ARHGEF11: variants seen among roughly 807,000 people sequenced by gnomAD.
ARHGEF11 encodes Rho guanine exchange factor (GEF) 11.
Under a neutral mutation model 193.7 loss-of-function variants are expected in ARHGEF11, and 55 were observed. The ratio of observed to expected loss-of-function variants is 0.28; its 90% CI spans 0.23 to 0.36. The LOEUF (loss-of-function observed/expected upper bound fraction) is 0.36. ARHGEF11 is among the 10% of genes least tolerant of loss of function. ARHGEF11 has a pLI of 1.00. For synonymous variants in ARHGEF11, 693 were observed against 768.0 expected (o/e 0.90, Z 1.62); for missense variants, 1,723 against 2,005.6 (o/e 0.86, Z 2.69).
At chr1:156,967,762 C>T in intron 11 of ARHGEF11, 1 of 610,358 alleles carries the variant, frequency 1.6e-6, no homozygotes, top group Non-Finnish European at 2.9e-6. Context: ...GATGCATTCA[C>T]CCACTCTCCA....
chr1:157,018,690 A>C (rs1223317529), intron 1 of ARHGEF11, among the ~76,000 whole-genome samples: 12 of 152,156 alleles, frequency 7.9e-5, no homozygotes, highest in African/African-American at 2.9e-4. Context: ...AGAATACTAA[A>C]ACAATTCTGG....
intron 1 of ARHGEF11, among the ~76,000 whole-genome samples, chr1:157,015,150 A>T (rs716723): frequency 0.14 from 22,007 of 152,136 alleles, 1,709 homozygotes; most frequent in South Asian, 0.24. Flanking sequence ...TACATCCTGG[A>T]CAATTTGATA....
intron 21 of ARHGEF11, among the ~76,000 whole-genome samples, chr1:156,953,832 A>G (rs1000485369): frequency 1.2e-4 from 18 of 152,346 alleles, no homozygotes; most frequent in African/African-American, 2.9e-4. Flanking sequence ...TATCACATTA[A>G]TGTTTTAAAT....
intron 1 of ARHGEF11, among the ~76,000 whole-genome samples, chr1:157,005,439 T>A (rs1469942882): frequency 6.6e-6 from 1 of 152,108 alleles, no homozygotes; most frequent in Non-Finnish European, 1.5e-5. Flanking sequence ...GACTTCAACA[T>A]CCTAAAGGTC....
rs868615169 is a variant in ARHGEF11, at chr1:156,948,124, G to A, written c.2153+57C>T. The A allele has an allele frequency of 6.5e-7, 1 of 1,538,840 alleles. No individual in the cohort carries two copies. Among genetic ancestry groups the A allele is most frequent in the East Asian group, 2.3e-5 (1 of 44,184 alleles). ...CCCCTTGCAGGTGAGAGGAGCAGCT[G>A]GGTGTGGATGGGACACAGAGACACC... On this transcript the variant is annotated intron_variant, in intron 24 of 40. Coordinates refer to ENST00000368194, the MANE Select transcript of ARHGEF11 (RefSeq NM_198236.3). The surrounding 1 kb of genome is among the most constrained non-coding windows in gnomAD (Gnocchi z 4.2).
intron 11 of ARHGEF11, among the ~76,000 whole-genome samples, chr1:156,965,742 A>G (rs1661593196): frequency 1.3e-5 from 2 of 152,220 alleles, no homozygotes; most frequent in Non-Finnish European, 2.9e-5. Context: ...TCTTTTGCAC[A>G]GTAGCTCTTG....
chr1:156,996,243 G>C (rs916505720), intron 1 of ARHGEF11, among the ~76,000 whole-genome samples: 2 of 152,182 alleles, frequency 1.3e-5, no homozygotes, highest in South Asian at 4.1e-4. Context: ...CTGCAAATAA[G>C]ACAGTGAAGC....
chr1:157,003,521 C>T (rs1667448507), intron 1 of ARHGEF11, among the ~76,000 whole-genome samples: 1 of 152,208 alleles, frequency 6.6e-6, no homozygotes, highest in Non-Finnish European at 1.5e-5. Context: ...TCACTTAACC[C>T]TCAGAACAAC....
At chr1:156,957,916 G>A (rs977957479) in intron 17 of ARHGEF11, 101 bp from the exon 18 acceptor site, 72 of 1,070,628 alleles carry the variant, frequency 6.7e-5, no homozygotes, top group Non-Finnish European at 9.8e-5. Context: ...GATGAAAGGA[G>A]GGTTAGTGGG....
chr1:156,996,857 C>CTCTTT (rs1430207872), intron 1 of ARHGEF11, among the ~76,000 whole-genome samples: 3 of 107,772 alleles, frequency 2.8e-5, no homozygotes, highest in Non-Finnish European at 3.7e-5. Flanking sequence ...ACCTCTCTCT[C>CTCTTT]TATTTTTTTT....
In ARHGEF11 at chr1:156,939,871, G is replaced by A. The variant is rs1249891747; in HGVS notation, c.3773C>T (p.Pro1258Leu). The change falls in exon 37 of 41, where the codon CCA (proline) becomes CTA (leucine). Residue 1258 changes from proline (P) to leucine (L), a missense_variant. Pro to Leu is a moderately conservative substitution (Grantham distance 98). This residue lies in a region of ARHGEF11 where 203 missense variants were observed against 237.3 expected (regional missense o/e 0.86). Transcript: ENST00000368194. ...LRHLILWSLL[P>L]GHTMETQAAQ... is the part of the protein sequence containing the mutation. ...AGCCTGAGTTTCCATGGTGTGACCT[G>A]GCAGCAGGCTCCACAGGATCAGATG... The A allele has an allele frequency of 1.9e-6, 3 of 1,609,816 alleles. No individual in the cohort carries two copies. The South Asian group carries it at 3.3e-5, about 18-fold the overall frequency.
intron 1 of ARHGEF11, among the ~76,000 whole-genome samples, chr1:157,029,261 TTTG>T (rs3082842): frequency 4.2e-4 from 63 of 150,418 alleles, no homozygotes; most frequent in South Asian, 1.1e-3. Context: ...TTTGGTGGTT[TTTG>T]TTGTTGTTGT....
chr1:157,024,486 G>A (rs752266953), intron 1 of ARHGEF11, among the ~76,000 whole-genome samples: 4 of 152,130 alleles, frequency 2.6e-5, no homozygotes, highest in Non-Finnish European at 5.9e-5. Flanking sequence ...ATACACAAGG[G>A]ATTATTATGA....
At chr1:157,011,425 G>A (rs1668529265) in intron 1 of ARHGEF11, among the ~76,000 whole-genome samples, 2 of 152,118 alleles carry the variant, frequency 1.3e-5, no homozygotes, top group Admixed American at 6.5e-5. Context: ...GAGTTAGGCA[G>A]TGGTTTTCTA....
chr1:156,987,314 C>T (rs969485323), intron 1 of ARHGEF11, among the ~76,000 whole-genome samples: 1 of 152,122 alleles, frequency 6.6e-6, no homozygotes, highest in Non-Finnish European at 1.5e-5. Context: ...TACAATGACA[C>T]AGAACTCAGT....
At chr1:157,032,873 T>TGA (rs912289330) in intron 1 of ARHGEF11, among the ~76,000 whole-genome samples, 4 of 152,278 alleles carry the variant, frequency 2.6e-5, no homozygotes, top group African/African-American at 4.8e-5. Context: ...TCCCTCTCTT[T>TGA]ACTTTGGAGG....
chr1:156,953,739 T>G (rs1659473820), intron 21 of ARHGEF11, among the ~76,000 whole-genome samples: 1 of 152,230 alleles, frequency 6.6e-6, no homozygotes, highest in Admixed American at 6.5e-5. Context: ...GTTGCACGCA[T>G]ATGGACCTTA....
chr1:156,969,608 A>C (rs1403974108), intron 9 of ARHGEF11, among the ~76,000 whole-genome samples: 2 of 152,184 alleles, frequency 1.3e-5, no homozygotes, highest in Non-Finnish European at 2.9e-5. Context: ...ACCTCCTGAA[A>C]TAAGACTCCA....
intron 20 of ARHGEF11, 106 bp downstream of exon 20, chr1:156,955,597 T>C: frequency 1.5e-5 from 13 of 875,268 alleles, no homozygotes; most frequent in East Asian, 2.4e-5. Flanking sequence ...TTTGGGCCTG[T>C]GGCTCCCAGA....
Sources: gnomAD v4.1 joint callset for allele counts (sites outside exome capture counted in the v4.1 genomes callset) on GRCh38, gnomAD v4.1.1 for gene constraint, gnomAD v4.1.1 regional missense constraint, Gnocchi (gnomAD v3.1) non-coding constraint, MANE v1.5 for transcripts, NCBI Gene and HGNC (gene_info 2026-07-23, HGNC 2026-07-21) for gene names.